The following MCTP1 variants were observed in gnomAD, a reference collection of about 807,000 sequenced individuals.
The protein encoded by MCTP1 is multiple C2 and transmembrane domain containing 1, also known as multiple C2 and transmembrane domain-containing protein 1.
Under a neutral mutation model 120.6 loss-of-function variants are expected in MCTP1, and 69 were observed. The observed-to-expected ratio is 0.57, with a 90% confidence interval of 0.47 to 0.70. The LOEUF is 0.70. MCTP1 is among the 30% of genes least tolerant of loss of function. The probability of loss-of-function intolerance (pLI) is 0.00; values close to 1 mark genes in which losing one functional copy is unlikely to be tolerated. For missense variants in MCTP1, 1,203 were observed against 1,248.8 expected, an observed-to-expected ratio of 0.96 and a Z score of 0.55; for synonymous variants, 529 against 493.1, an observed-to-expected ratio of 1.07 and a Z score of -0.96.
chr5:95,127,423 G>T (rs540875514), intron 1 of MCTP1, among the ~76,000 whole-genome samples: 1 of 152,262 alleles, frequency 6.6e-6, no homozygotes, highest in African/African-American at 2.4e-5. Context: ...GATTCTGGGG[G>T]CTCCTTAGTC....
chr5:95,068,956 C>A, intron 1 of MCTP1: 6 of 193,262 alleles, frequency 3.1e-5, no homozygotes, highest in Non-Finnish European at 6.1e-5. Context: ...GAGCAGGTAT[C>A]TTTTTTTTTT....
chr5:94,899,048 A>T (rs1804816847), intron 10 of MCTP1, among the ~76,000 whole-genome samples: 1 of 152,224 alleles, frequency 6.6e-6, no homozygotes, highest in Non-Finnish European at 1.5e-5. Flanking sequence ...TGCTAAAAAA[A>T]CTTGAATGTT....
intron 1 of MCTP1, among the ~76,000 whole-genome samples, chr5:95,102,167 C>T (rs535479034): frequency 6.6e-6 from 1 of 152,108 alleles, no homozygotes; most frequent in South Asian, 2.1e-4. Flanking sequence ...TAATACTGTG[C>T]TAGTTCCAAG....
chr5:95,278,958 G>T (rs144690545), intron 1 of MCTP1, among the ~76,000 whole-genome samples: 1,856 of 142,246 alleles, frequency 0.013, 38 homozygotes, highest in African/African-American at 0.046. Flanking sequence ...GCAAAACTCC[G>T]TCTCAAAAAA....
chr5:95,053,634 C>G (rs115192399), intron 1 of MCTP1, among the ~76,000 whole-genome samples: 2 of 152,188 alleles, frequency 1.3e-5, no homozygotes, highest in African/African-American at 4.8e-5. Flanking sequence ...AAGGAGAAAC[C>G]GAAGGAAACT....
chr5:94,830,299 A>G (rs1322126460), intron 17 of MCTP1, among the ~76,000 whole-genome samples: 1 of 152,254 alleles, frequency 6.6e-6, no homozygotes, highest in African/African-American at 2.4e-5. Flanking sequence ...GCTTCTATAC[A>G]TCACAGTAAG....
chr5:95,046,557 C>T (rs935526513), intron 1 of MCTP1, among the ~76,000 whole-genome samples: 2 of 152,128 alleles, frequency 1.3e-5, no homozygotes, highest in African/African-American at 4.8e-5. Flanking sequence ...AATACGAGCA[C>T]CAGCATAAGT....
intron 2 of MCTP1, among the ~76,000 whole-genome samples, chr5:94,992,351 C>T (rs572108283): frequency 2.6e-5 from 4 of 152,178 alleles, no homozygotes; most frequent in Admixed American, 1.3e-4. Flanking sequence ...TTACTTTATG[C>T]CTTTTTCTAA....
chr5:95,278,975 A>G (rs1055598502), intron 1 of MCTP1, among the ~76,000 whole-genome samples: 2 of 152,122 alleles, frequency 1.3e-5, no homozygotes, highest in Admixed American at 6.5e-5. Flanking sequence ...AAAAAAAAAA[A>G]AAAATTATTT....
chr5:95,178,288 C>T (rs1748235506), intron 1 of MCTP1, among the ~76,000 whole-genome samples: 1 of 152,228 alleles, frequency 6.6e-6, no homozygotes, highest in Non-Finnish European at 1.5e-5. Context: ...AGACAAAGAA[C>T]ATAATCTCTT....
At chr5:94,986,435 A>G (rs1390539694) in intron 2 of MCTP1, among the ~76,000 whole-genome samples, 1 of 152,186 alleles carries the variant, frequency 6.6e-6, no homozygotes, top group African/African-American at 2.4e-5. Context: ...AGAATGTACT[A>G]CAAGGACTTT....
intron 17 of MCTP1, among the ~76,000 whole-genome samples, chr5:94,862,201 A>G (rs912565369): frequency 2.0e-5 from 3 of 151,728 alleles, no homozygotes; most frequent in African/African-American, 7.3e-5. Context: ...AAGGCGGAAG[A>G]GCAGCGATCA....
chr5:95,178,149 T>C lies in MCTP1; in HGVS notation c.720+105707A>G, dbSNP rs937499639. Among the ~76,000 whole-genome samples, 20 of 152,134 alleles carry C rather than the reference T, an allele frequency of 1.3e-4. 1 individual carries two copies. Among genetic ancestry groups the C allele is most frequent in the East Asian group, 3.9e-4 (2 of 5,180 alleles). On this transcript the variant is annotated intron_variant, in intron 1 of 22. Coordinates refer to ENST00000515393, the MANE Select transcript of MCTP1 (RefSeq NM_024717.7). Reference sequence around the variant, plus strand: ...TAATCCCCCTGTGAACATACCTCCATTGGGCTGAGAACCACACTCCCATCC... The same window carrying C: ...TAATCCCCCTGTGAACATACCTCCACTGGGCTGAGAACCACACTCCCATCC...
intron 6 of MCTP1, among the ~76,000 whole-genome samples, chr5:94,929,036 GA>G (rs1813863802): frequency 6.6e-6 from 1 of 152,122 alleles, no homozygotes; most frequent in South Asian, 2.1e-4. Flanking sequence ...TTTCATCATA[GA>G]AAGTCAAGAT....
chr5:95,231,255 G>A (rs1477880014), intron 1 of MCTP1, among the ~76,000 whole-genome samples: 1 of 151,968 alleles, frequency 6.6e-6, no homozygotes. Context: ...TGATTTTAAT[G>A]ATCATGAATA....
chr5:94,867,504 TCGTATTC>T, intron 17 of MCTP1: 1 of 646,510 alleles, frequency 1.5e-6, no homozygotes, highest in South Asian at 1.9e-5. Context: ...CATAATAAAG[TCGTATTC>T]TGCTAAACTG....
intron 1 of MCTP1, among the ~76,000 whole-genome samples, chr5:95,199,844 GCA>G (rs1351274388): frequency 5.3e-5 from 8 of 151,140 alleles, no homozygotes; most frequent in South Asian, 2.1e-4. Context: ...GGGCAACAGA[GCA>G]AGAGACTCCG....
At chr5:94,770,932 T>G (rs1773912060) in intron 19 of MCTP1, among the ~76,000 whole-genome samples, 1 of 152,176 alleles carries the variant, frequency 6.6e-6, no homozygotes, top group South Asian at 2.1e-4. Flanking sequence ...ACTGTTTTCT[T>G]TCGCCAAGTC....
chr5:95,099,477 T>C (rs1040985577), intron 1 of MCTP1, among the ~76,000 whole-genome samples: 2 of 152,058 alleles, frequency 1.3e-5, no homozygotes, highest in African/African-American at 4.8e-5. Flanking sequence ...TGAACAGACA[T>C]TTCTCAAAAG....
Sources: allele counts gnomAD v4.1 joint callset (sites outside exome capture counted in the v4.1 genomes callset), GRCh38; gene constraint gnomAD v4.1.1; transcripts MANE v1.5; gene names NCBI Gene and HGNC (gene_info 2026-07-23, HGNC 2026-07-21).